CHD9: variants seen among roughly 807,000 people sequenced by gnomAD.
The protein encoded by CHD9 is chromodomain helicase DNA binding protein 9, also known as ATP-dependent chromatin remodeler CHD9.
In CHD9, 77 loss-of-function variants were observed where a neutral mutation model predicts 316.1. That is an observed-to-expected ratio of 0.24 (90% confidence interval 0.20 to 0.29). The LOEUF (loss-of-function observed/expected upper bound fraction) is 0.29. CHD9 is among the 10% of genes least tolerant of loss of function. CHD9 has a pLI of 1.00. For missense variants in CHD9, 2,763 were observed against 3,438.1 expected (o/e 0.80, Z 4.91); for synonymous variants, 1,129 against 1,158.3 (o/e 0.97, Z 0.51).
intron 17 of CHD9, among the ~76,000 whole-genome samples, chr16:53,252,910 G>A (rs997326999): frequency 5.3e-5 from 8 of 152,146 alleles, no homozygotes; most frequent in South Asian, 2.1e-4. Flanking sequence ...AGATGTTGGC[G>A]TGGGTGCAGT....
chr16:53,111,784 C>T (rs1294059660), intron 1 of CHD9, among the ~76,000 whole-genome samples: 1 of 152,178 alleles, frequency 6.6e-6, no homozygotes, highest in Non-Finnish European at 1.5e-5. Context: ...TTTGATACCA[C>T]ATTTCAGCAT....
At chr16:53,154,371 A>G (rs932965629) in intron 1 of CHD9, among the ~76,000 whole-genome samples, 10 of 152,374 alleles carry the variant, frequency 6.6e-5, no homozygotes, top group Middle Eastern at 3.4e-3. Flanking sequence ...TATGCAATGT[A>G]TCACTTAATC....
Position 53,245,689 on chromosome 16 carries a change from T to C in CHD9, c.3293T>C (p.Ile1098Thr), listed in dbSNP as rs1356428378. 6.2e-7 allele frequency: 1 copy of C among 1,609,022 alleles called. No individual in the cohort carries two copies. The highest frequency in any genetic ancestry group is 8.5e-7 in the Non-Finnish European group (1 of 1,178,364). The change falls in exon 15 of 39, where the codon ATT (isoleucine) becomes ACT (threonine). Residue 1098 changes from isoleucine (I) to threonine (T), a missense_variant. Transcript: ENST00000447540. The surrounding 1 kb of genome is among the most constrained non-coding windows in gnomAD (Gnocchi z 4.1). ...KKLAPKEETI[I>T]EVELTNIQKK... is the part of the protein sequence containing the mutation. ...TTGGCACCTAAAGAAGAAACCATCA[T>C]TGAAGTAGAACTTACTAATATTCAA...
At chr16:53,119,698 G>A (rs1380934518) in intron 1 of CHD9, among the ~76,000 whole-genome samples, 1 of 152,120 alleles carries the variant, frequency 6.6e-6, no homozygotes, top group Admixed American at 6.6e-5. Context: ...CAGGCGTGTT[G>A]GCGCATGCCT....
At position 53,155,992 on chromosome 16, in the gene CHD9, T is replaced by C; in HGVS notation, c.-98T>C. 1.7e-6 allele frequency: 2 copies of C among 1,147,760 alleles called. No homozygotes were observed. Among genetic ancestry groups the C allele is most frequent in the Non-Finnish European group, 2.4e-6 (2 of 818,130 alleles). 71.1% of individuals were successfully genotyped at this position (1,147,760 alleles called of 1,614,324 possible). ...TGAATATTGACCTGTTTTGGATTAG[T>C]TGATGACCTTCGGAAATGATCCAAT... On this transcript the variant is annotated 5_prime_UTR_variant, in exon 2 of 39. Coordinates refer to ENST00000447540, the MANE Select transcript of CHD9 (RefSeq NM_001308319.2).
At chr16:53,077,384 C>T (rs1340899918) in intron 1 of CHD9, among the ~76,000 whole-genome samples, 6 of 151,700 alleles carry the variant, frequency 4.0e-5, no homozygotes, top group African/African-American at 9.7e-5. Flanking sequence ...AGTGCAGTGG[C>T]GTGATCTCGG....
rs767728768 is a variant in CHD9, at chr16:53,304,114, T to C, written c.6108T>C (p.Asp2036=). The change falls in exon 31 of 39, where the codon GAT becomes GAC. Residue 2036 remains aspartate, a synonymous_variant. Coordinates refer to ENST00000447540, the MANE Select transcript of CHD9 (RefSeq NM_001308319.2). ...SPLTSLPRLL[D]AKGIILEEMK... ...TTACCTCTCTACCTAGGCTCCTAGA[T>C]GCTAAAGGTATTATTCTAGAGGAGA... 23 of 1,613,716 alleles carry C rather than the reference T, an allele frequency of 1.4e-5. No homozygotes were observed. The highest frequency in any genetic ancestry group is 5.1e-6 in the Non-Finnish European group (6 of 1,179,842).
At chr16:53,086,698 A>G (rs2035492930) in intron 1 of CHD9, among the ~76,000 whole-genome samples, 1 of 152,212 alleles carries the variant, frequency 6.6e-6, no homozygotes, top group South Asian at 2.1e-4. Context: ...ATTATTCATT[A>G]TCCTTTTAAA....
At chr16:53,147,924 C>T (rs1220097926) in intron 1 of CHD9, among the ~76,000 whole-genome samples, 1 of 152,022 alleles carries the variant, frequency 6.6e-6, no homozygotes, top group Non-Finnish European at 1.5e-5. Context: ...CTTATTTAGG[C>T]CAGGCGCGGT....
intron 1 of CHD9, among the ~76,000 whole-genome samples, chr16:53,092,256 G>C (rs1470128091): frequency 6.6e-6 from 1 of 151,174 alleles, no homozygotes; most frequent in Non-Finnish European, 1.5e-5. Context: ...TGTTGCTTTG[G>C]AGAATCCAAC....
intron 1 of CHD9, among the ~76,000 whole-genome samples, chr16:53,084,346 CAAAG>C (rs371459170): frequency 1.9e-3 from 284 of 152,284 alleles, no homozygotes; most frequent in African/African-American, 6.2e-3. Context: ...TTGCCCTACC[CAAAG>C]AAAGAGTCCT....
Position 53,270,161 on chromosome 16 carries a change from ATTTTTT to A in CHD9, c.4717+2053_4717+2058del, listed in dbSNP as rs757513307. ...AGGCGTGTACCATCACACCTGGCTAATTTTTTTTTTTTTTTTTTTTTTTAGAGGTGG... is the reference window on the plus strand; with the variant it reads ...AGGCGTGTACCATCACACCTGGCTAATTTTTTTTTTTTTTTTTAGAGGTGG... On this transcript the variant is annotated intron_variant, in intron 22 of 38. Transcript: ENST00000447540. 3.1e-3 allele frequency among the ~76,000 whole-genome samples: 365 copies of A among 118,598 alleles called. 2 individuals are homozygous for A. The highest frequency in any genetic ancestry group is 0.011 in the African/African-American group (353 of 30,816). 77.8% of individuals were successfully genotyped at this position (118,598 alleles called of 152,430 possible).
chr16:53,307,931 A>G lies in CHD9; in HGVS notation c.7031A>G (p.Glu2344Gly). Residue 2344 changes from glutamate to glycine, a missense_variant, in exon 33 of 39, where the codon GAG (glutamate) becomes GGG (glycine). By Grantham distance (98) the Glu-to-Gly change is moderately conservative. Coordinates refer to ENST00000447540, the MANE Select transcript of CHD9 (RefSeq NM_001308319.2). ...GTGAAGAAGCATGTACGAGAAAAGG[A>G]GTTTACAGTGAAAATCAAAGACGTA... ...SKVKKHVREKEFTVKIKDEGG... is the reference protein window; with the variant it reads ...SKVKKHVREKGFTVKIKDEGG... 6.2e-7 allele frequency: 1 copy of G among 1,609,398 alleles called. No individual in the cohort carries two copies. Among genetic ancestry groups the G allele is most frequent in the Non-Finnish European group, 8.5e-7 (1 of 1,177,826 alleles).
At chr16:53,109,090 G>A (rs2037621366) in intron 1 of CHD9, among the ~76,000 whole-genome samples, 1 of 152,070 alleles carries the variant, frequency 6.6e-6, no homozygotes, top group Admixed American at 6.5e-5. Context: ...AGCAGGGATC[G>A]AGCAGCTCCT....
intron 1 of CHD9, among the ~76,000 whole-genome samples, chr16:53,141,511 C>T (rs981757697): frequency 1.3e-5 from 2 of 152,110 alleles, no homozygotes; most frequent in African/African-American, 4.8e-5. Flanking sequence ...TGGGGGCATT[C>T]TTAAAGTCAT....
rs370852779 is a variant in CHD9 at position 53,300,352 on chromosome 16, CAA to C, written c.5713+3206_5713+3207del. ...TAGGTGACAGGGTGAGACTCCGTCT[CAA>C]AAAAAAAAAAAGAATTGCCTAAGTG... On this transcript the variant is annotated intron_variant, in intron 30 of 38. Transcript: ENST00000447540. 4.6e-5 allele frequency among the ~76,000 whole-genome samples: 6 copies of C among 131,324 alleles called. No homozygotes were observed. In the South Asian group the frequency reaches 9.4e-4, roughly 21 times the overall value. The allele number at this position is 131,324 out of a possible 152,430, so 86.2% of individuals were successfully genotyped here.
At chr16:53,166,966 A>G (rs2042309066) in intron 2 of CHD9, among the ~76,000 whole-genome samples, 1 of 152,046 alleles carries the variant, frequency 6.6e-6, no homozygotes, top group Admixed American at 6.6e-5. Flanking sequence ...CTCATATGCA[A>G]AGAATAAACA....
At chr16:53,107,416 C>T (rs1597009556) in intron 1 of CHD9, among the ~76,000 whole-genome samples, 1 of 151,086 alleles carries the variant, frequency 6.6e-6, no homozygotes, top group East Asian at 1.9e-4. Context: ...GCCGAGATTG[C>T]ACCACTGCAC....
chr16:53,202,084 A>T (rs1374155176), intron 2 of CHD9, among the ~76,000 whole-genome samples: 1 of 151,296 alleles, frequency 6.6e-6, no homozygotes, highest in Non-Finnish European at 1.5e-5. Context: ...CTGGCCTTGG[A>T]CTCCTGGCCT....
Sources: gnomAD v4.1 joint callset for allele counts (sites outside exome capture counted in the v4.1 genomes callset) on GRCh38, gnomAD v4.1.1 for gene constraint, Gnocchi (gnomAD v3.1) non-coding constraint, MANE v1.5 for transcripts, NCBI Gene and HGNC (gene_info 2026-07-23, HGNC 2026-07-21) for gene names.